The following MRPL45 variants were observed in gnomAD, a reference collection of about 807,000 sequenced individuals.
MRPL45 encodes the protein large ribosomal subunit protein mL45.
A neutral mutation model predicts 38.1 loss-of-function variants in MRPL45; 20 were observed. The observed-to-expected ratio is 0.53, with a 90% CI of 0.37 to 0.76. MRPL45 has a LOEUF of 0.76. Among genes scored for constraint, MRPL45 ranks in the 30% least tolerant of loss-of-function variants. The pLI is 0.00. For synonymous variants in MRPL45, 105 were observed against 128.8 expected (o/e 0.82, Z 1.25); for missense variants, 337 against 395.6 (o/e 0.85, Z 1.26).
rs747746582 is a variant in MRPL45, at chr17:38,322,508, G to A, written c.835-1G>A. ...GGTAACCTGGCGTCCTACTCTTTCA[G>A]ACGGTGATGATCCCTGGCCCTCAGC... On this transcript the variant is annotated splice_acceptor_variant, in intron 7 of 7. Transcript: ENST00000613675. LOFTEE classifies it high-confidence loss of function. The A allele has an allele frequency of 1.2e-6, 2 of 1,613,232 alleles. No homozygotes were observed. The highest frequency in any genetic ancestry group is 2.2e-5 in the South Asian group (2 of 90,980).
rs1014241265 is a variant in MRPL45 at position 38,302,185 on chromosome 17, A to G, written c.362+2717A>G. Among the ~76,000 whole-genome samples the G allele has an allele frequency of 9.3e-5, 14 of 150,094 alleles. No individual in the cohort carries two copies. The Admixed American group carries it at 9.4e-4, about 10-fold the overall frequency. On this transcript the variant is annotated intron_variant, in intron 3 of 7. Transcript: ENST00000613675. ...GAGAAGACTTGCCTGAGGAAATGAT[A>G]TTTAAAGTTGGGATTGTGGCTGGAT...
At chr17:38,309,850 A>T (rs1263281392) in intron 4 of MRPL45, among the ~76,000 whole-genome samples, 1 of 151,648 alleles carries the variant, frequency 6.6e-6, no homozygotes, top group Non-Finnish European at 1.5e-5. Flanking sequence ...CTCAGTCAGA[A>T]CTCATCTCTT....
chr17:38,316,852 C>T (rs2037178756), intron 4 of MRPL45, among the ~76,000 whole-genome samples: 1 of 150,968 alleles, frequency 6.6e-6, no homozygotes. Context: ...GGCTGGAGTG[C>T]AGTGGCGCGA....
intron 4 of MRPL45, among the ~76,000 whole-genome samples, chr17:38,318,433 T>A (rs1376187381): frequency 6.6e-6 from 1 of 151,814 alleles, no homozygotes; most frequent in Non-Finnish European, 1.5e-5. Flanking sequence ...GATTTAAACA[T>A]AATTTTTTTT....
At position 38,306,549 on chromosome 17, in the gene MRPL45, G is replaced by A; in HGVS notation, c.379G>A (p.Asp127Asn). Residue 127 changes from aspartate (D) to asparagine (N), a missense_variant, in exon 4 of 8, where the codon GAC becomes AAC. Physicochemically the swap from Asp to Asn is conservative, Grantham distance 23. This residue lies in a region of MRPL45 where 251 missense variants were observed against 269.1 expected (regional missense o/e 0.93). Transcript: ENST00000613675. ...ASQVSIRRIK[D>N]YDANFKIKDF... is the part of the protein sequence containing the mutation. ...ATTTTACAGAATCCGGAGGATAAAAGACTATGATGCCAACTTTAAAATAAA... is the reference window on the plus strand; with the variant it reads ...ATTTTACAGAATCCGGAGGATAAAAAACTATGATGCCAACTTTAAAATAAA... 3 of 1,608,634 alleles carry A rather than the reference G, an allele frequency of 1.9e-6. No homozygotes were observed. Among genetic ancestry groups the A allele is most frequent in the Non-Finnish European group, 1.7e-6 (2 of 1,178,034 alleles).
At chr17:38,313,562 T>C (rs2037146486) in intron 4 of MRPL45, among the ~76,000 whole-genome samples, 3 of 150,486 alleles carry the variant, frequency 2.0e-5, no homozygotes, top group African/African-American at 4.9e-5. Flanking sequence ...GTGTGAAGTG[T>C]AGTATCTCAT....
intron 5 of MRPL45, among the ~76,000 whole-genome samples, 174 bp downstream of exon 5, chr17:38,318,909 C>T (rs577726323): frequency 1.3e-5 from 2 of 150,770 alleles, no homozygotes; most frequent in Admixed American, 1.3e-4. Context: ...CTCACCGCAA[C>T]CTCCACCTCC....
chr17:38,322,475 G>A lies in MRPL45; in HGVS notation c.835-34G>A, dbSNP rs558805610. 5.5e-5 allele frequency: 88 copies of A among 1,589,020 alleles called. 1 individual carries two copies. The South Asian group carries it at 8.3e-4, about 15-fold the overall frequency. ...GCTCTTCTGGGTCAGCCATGGGCTT[G>A]GTTGGTGGGTAACCTGGCGTCCTAC... On this transcript the variant is annotated intron_variant, in intron 7 of 7. Coordinates refer to ENST00000613675, the MANE Select transcript of MRPL45 (RefSeq NM_032351.6).
chr17:38,306,235 C>T (rs1229754836), intron 3 of MRPL45, among the ~76,000 whole-genome samples: 1 of 151,684 alleles, frequency 6.6e-6, no homozygotes, highest in Non-Finnish European at 1.5e-5. Context: ...CGGTGAAACC[C>T]CGTCTCTACT....
intron 3 of MRPL45, among the ~76,000 whole-genome samples, chr17:38,300,551 A>G (rs925094614): frequency 2.6e-5 from 4 of 152,140 alleles, no homozygotes; most frequent in Admixed American, 2.0e-4. Flanking sequence ...CTGTGCCCAG[A>G]GTAGCCGCTG....
intron 4 of MRPL45, among the ~76,000 whole-genome samples, chr17:38,310,168 A>G (rs1180815877): frequency 7.0e-6 from 1 of 143,756 alleles, no homozygotes; most frequent in African/African-American, 2.6e-5. Context: ...ATCTCTGGTA[A>G]AATTCTCCAT....
chr17:38,318,075 A>G (rs1024653048), intron 4 of MRPL45, among the ~76,000 whole-genome samples: 2 of 151,596 alleles, frequency 1.3e-5, no homozygotes, highest in Admixed American at 6.6e-5. Flanking sequence ...GGGCGTCATG[A>G]CGTGCACTTG....
At chr17:38,298,860 G>T (rs1235112758) in intron 2 of MRPL45, among the ~76,000 whole-genome samples, 3 of 152,050 alleles carry the variant, frequency 2.0e-5, no homozygotes, top group African/African-American at 7.2e-5. Context: ...AGAAACTGAG[G>T]CTCTGAGAGA....
chr17:38,306,670 C>G, intron 4 of MRPL45, 39 bp downstream of exon 4: 1 of 1,603,702 alleles, frequency 6.2e-7, no homozygotes, highest in Non-Finnish European at 8.5e-7. Flanking sequence ...CTGTTCTCAG[C>G]AGTTAGCTAT....
intron 3 of MRPL45, among the ~76,000 whole-genome samples, chr17:38,299,800 G>A (rs538314914): frequency 4.5e-4 from 68 of 151,588 alleles, no homozygotes; most frequent in African/African-American, 1.5e-3. Flanking sequence ...GCAATGGCAC[G>A]ATCTTGGCTC....
chr17:38,305,918 C>T (rs1385902232), intron 3 of MRPL45, among the ~76,000 whole-genome samples: 1 of 151,680 alleles, frequency 6.6e-6, no homozygotes, highest in African/African-American at 2.4e-5. Context: ...GCTGGGATTA[C>T]AGACGTGAGC....
At chr17:38,303,606 T>G (rs1440874455) in intron 3 of MRPL45, among the ~76,000 whole-genome samples, 1 of 151,918 alleles carries the variant, frequency 6.6e-6, no homozygotes, top group Non-Finnish European at 1.5e-5. Context: ...ATTAAATATT[T>G]TATTAATTTC....
At position 38,322,590 on chromosome 17, in the gene MRPL45, G is replaced by A; in HGVS notation, c.916G>A (p.Ala306Thr). 6.2e-7 allele frequency: 1 copy of A among 1,612,358 alleles called. No homozygotes were observed. The highest frequency in any genetic ancestry group is 1.1e-5 in the South Asian group (1 of 90,710). ...AGGAGAGGCCCAGAAGCCTCAGCTA[G>A]CCTGATGACAAAAATGACTTCTAGG... ...AQGEAQKPQLA is the reference protein window; with the variant it reads ...AQGEAQKPQLT Residue 306 changes from alanine to threonine, a missense_variant, in exon 8 of 8, where the codon GCC (alanine) becomes ACC (threonine). This residue lies in a region of MRPL45 where 251 missense variants were observed against 269.1 expected (regional missense o/e 0.93). Coordinates refer to ENST00000613675, the MANE Select transcript of MRPL45 (RefSeq NM_032351.6).
chr17:38,314,871 G>A (rs1371062941), intron 4 of MRPL45, among the ~76,000 whole-genome samples: 1 of 152,282 alleles, frequency 6.6e-6, no homozygotes, highest in African/African-American at 2.4e-5. Flanking sequence ...ACAGCCAGGC[G>A]TGGTGGCTAG....
Sources: gnomAD v4.1 joint callset for allele counts (sites outside exome capture counted in the v4.1 genomes callset) on GRCh38, gnomAD v4.1.1 for gene constraint, gnomAD v4.1.1 regional missense constraint, MANE v1.5 for transcripts, NCBI Gene and HGNC (gene_info 2026-07-23, HGNC 2026-07-21) for gene names.